Variants in SLC26A7 observed in about 807,000 individuals in gnomAD.
SLC26A7 encodes solute carrier family 26 member 7, also known as anion exchange transporter.
In SLC26A7, 59 loss-of-function variants were observed where a neutral mutation model predicts 82.5. That is an observed-to-expected ratio of 0.72 (90% CI 0.58 to 0.89). The LOEUF is 0.89. Ranked by LOEUF, SLC26A7 falls within the 40% of genes least tolerant of loss-of-function variation. The pLI is 0.00. For missense variants in SLC26A7, 820 were observed against 793.0 expected, an observed-to-expected ratio of 1.03 and a Z score of -0.41; for synonymous variants, 271 against 274.3, an observed-to-expected ratio of 0.99 and a Z score of 0.12.
At chr8:91,332,824 T>C (rs1168353134) in intron 5 of SLC26A7, among the ~76,000 whole-genome samples, 3 of 152,110 alleles carry the variant, frequency 2.0e-5, no homozygotes, top group African/African-American at 4.8e-5. Flanking sequence ...CACACCCAGC[T>C]TTTTCTTATA....
chr8:91,397,621 T>C lies in SLC26A7; in HGVS notation c.*2524T>C, dbSNP rs1026031158. ...TTTATGCAAATTAAATGCCCTTAAA[T>C]TTCACCATTTGTCTTTCATTTTAAA... On this transcript the variant is annotated 3_prime_UTR_variant, in exon 19 of 19. Transcript: ENST00000276609. The C allele has an allele frequency of 1.3e-5, 2 of 152,516 alleles. No individual in the cohort carries two copies. The highest frequency in any genetic ancestry group is 6.6e-5 in the Admixed American group (1 of 15,264). The allele number at this position is 152,516 out of a possible 1,614,324, so 9.4% of individuals were successfully genotyped here.
chr8:91,312,390 G>T (rs1015460971), intron 4 of SLC26A7, among the ~76,000 whole-genome samples: 5 of 152,048 alleles, frequency 3.3e-5, no homozygotes, highest in Non-Finnish European at 7.4e-5. Context: ...TAGTTACTCT[G>T]AATAATGCTG....
chr8:91,332,705 A>T (rs1404635803), intron 5 of SLC26A7, among the ~76,000 whole-genome samples: 1 of 150,924 alleles, frequency 6.6e-6, no homozygotes, highest in East Asian at 1.9e-4. Flanking sequence ...TAATTTTTTA[A>T]ATTTTTCATA....
intron 1 of SLC26A7, among the ~76,000 whole-genome samples, chr8:91,210,562 G>GACAAACACACAC (rs1809892662): frequency 6.8e-6 from 1 of 146,102 alleles, no homozygotes; most frequent in Non-Finnish European, 1.5e-5. Context: ...CACACACACA[G>GACAAACACACAC]ACACACACAC....
chr8:91,367,749 T>C (rs1814236832), intron 14 of SLC26A7, among the ~76,000 whole-genome samples: 1 of 152,230 alleles, frequency 6.6e-6, no homozygotes, highest in South Asian at 2.1e-4. Context: ...ATTAGTTTGG[T>C]TGACTACTGT....
chr8:91,341,177 G>A (rs991923314), intron 8 of SLC26A7, among the ~76,000 whole-genome samples: 36 of 147,612 alleles, frequency 2.4e-4, no homozygotes, highest in African/African-American at 4.3e-4. Flanking sequence ...GTGATATTCC[G>A]CTTCCTGTGT....
upstream of SLC26A7, among the ~76,000 whole-genome samples, chr8:91,245,418 T>A (rs1477492902): frequency 6.6e-6 from 1 of 152,148 alleles, no homozygotes; most frequent in Non-Finnish European, 1.5e-5. Flanking sequence ...TTGGTAGACT[T>A]GATACAAATT....
chr8:91,263,739 A>T (rs762861923), intron 2 of SLC26A7, among the ~76,000 whole-genome samples: 1 of 151,978 alleles, frequency 6.6e-6, no homozygotes, highest in Non-Finnish European at 1.5e-5. Context: ...CTCTTATGTG[A>T]TCCTGTAACT....
chr8:91,318,432 A>G, intron 5 of SLC26A7, 52 bp downstream of exon 5: 1 of 1,443,760 alleles, frequency 6.9e-7, no homozygotes, highest in Non-Finnish European at 9.3e-7. Context: ...CAGGTTTCAC[A>G]AAGTAGAATT....
intron 2 of SLC26A7, among the ~76,000 whole-genome samples, chr8:91,256,342 C>T (rs1810802627): frequency 6.6e-6 from 1 of 152,082 alleles, no homozygotes; most frequent in Non-Finnish European, 1.5e-5. Flanking sequence ...ATAATTAGCA[C>T]AGTTCCATAC....
intron 4 of SLC26A7, among the ~76,000 whole-genome samples, chr8:91,310,723 C>G (rs1812457712): frequency 6.6e-6 from 1 of 152,072 alleles, no homozygotes; most frequent in Non-Finnish European, 1.5e-5. Flanking sequence ...CTCCAGTAAA[C>G]ACACCGCACA....
chr8:91,282,692 T>C (rs149632134), intron 2 of SLC26A7, among the ~76,000 whole-genome samples: 371 of 152,320 alleles, frequency 2.4e-3, no homozygotes, highest in African/African-American at 8.6e-3. Context: ...TTCCAGGTCC[T>C]ATCACCCTGA....
rs1812231267 is a variant in SLC26A7, at chr8:91,303,790, A to C, written c.477+8087A>C. ...GGAGTATAGAAGGGACACAAGATATAAAACTAGTTTATACTGCCTATTCAA... is the reference window on the plus strand; with the variant it reads ...GGAGTATAGAAGGGACACAAGATATCAAACTAGTTTATACTGCCTATTCAA... On this transcript the variant is annotated intron_variant, in intron 4 of 18. Transcript: ENST00000276609. Among the ~76,000 whole-genome samples the C allele has an allele frequency of 3.3e-5, 5 of 152,220 alleles. No individual in the cohort carries two copies. The South Asian group carries it at 1.0e-3, about 31-fold the overall frequency.
intron 2 of SLC26A7, among the ~76,000 whole-genome samples, chr8:91,264,601 G>A (rs955112670): frequency 6.6e-6 from 1 of 151,724 alleles, no homozygotes; most frequent in Admixed American, 6.6e-5. Flanking sequence ...TTCTATTGTT[G>A]ATAGCTCTGT....
Position 91,352,954 on chromosome 8 carries a change from C to T in SLC26A7, c.1272C>T (p.Phe424=), listed in dbSNP as rs771692177. ...GACTGAAGGGAATGCTAATACAGTT[C>T]CGAGATTTAAAAAAATATTGGAATG... ...VVGLKGMLIQ[F]RDLKKYWNVD... is the part of the protein sequence containing the mutation. The change falls in exon 11 of 19, where the codon TTC becomes TTT. Residue 424 remains phenylalanine (F), a synonymous_variant. Coordinates refer to ENST00000276609, the MANE Select transcript of SLC26A7 (RefSeq NM_052832.4). 3.2e-5 allele frequency: 52 copies of T among 1,607,678 alleles called. No homozygotes were observed. The highest frequency in any genetic ancestry group is 4.3e-5 in the Non-Finnish European group (51 of 1,176,990).
intron 12 of SLC26A7, among the ~76,000 whole-genome samples, chr8:91,362,772 G>A (rs1586455346): frequency 6.6e-6 from 1 of 151,950 alleles, no homozygotes; most frequent in African/African-American, 2.4e-5. Flanking sequence ...TAAATTAAGT[G>A]AAAAGAGTTA....
At chr8:91,317,021 A>G (rs990540747) in intron 4 of SLC26A7, among the ~76,000 whole-genome samples, 3 of 124,388 alleles carry the variant, frequency 2.4e-5, no homozygotes, top group African/African-American at 6.0e-5. Context: ...AAAAAAAAAA[A>G]GCCAGGCATT....
At chr8:91,355,812 G>A (rs1474478300) in intron 11 of SLC26A7, among the ~76,000 whole-genome samples, 1 of 151,814 alleles carries the variant, frequency 6.6e-6, no homozygotes, top group Non-Finnish European at 1.5e-5. Context: ...GTGCCATGTT[G>A]GTGTGCTGCG....
upstream of SLC26A7, among the ~76,000 whole-genome samples, chr8:91,246,315 A>G (rs1810543351): frequency 6.6e-6 from 1 of 152,232 alleles, no homozygotes; most frequent in Non-Finnish European, 1.5e-5. Context: ...CTCAAAAGGA[A>G]TGTACAATCT....
Sources: allele counts gnomAD v4.1 joint callset (sites outside exome capture counted in the v4.1 genomes callset), GRCh38; gene constraint gnomAD v4.1.1; transcripts MANE v1.5; gene names NCBI Gene and HGNC (gene_info 2026-07-23, HGNC 2026-07-21).